PPP3CA: variants seen among roughly 807,000 people sequenced by gnomAD.
The protein encoded by PPP3CA is CAM-PRP catalytic subunit.
A neutral mutation model predicts 66.5 loss-of-function variants in PPP3CA; 14 were observed. The ratio of observed to expected loss-of-function variants is 0.21; its 90% CI spans 0.14 to 0.33. The LOEUF (loss-of-function observed/expected upper bound fraction) is 0.33. Ranked by LOEUF, PPP3CA falls within the 10% of genes least tolerant of loss-of-function variation. The probability of loss-of-function intolerance (pLI) is 1.00; values close to 1 mark genes in which losing one functional copy is unlikely to be tolerated. For synonymous variants in PPP3CA, 232 were observed against 226.2 expected (o/e 1.03, Z -0.23); for missense variants, 317 against 639.5 (o/e 0.50, Z 5.44).
intron 10 of PPP3CA, among the ~76,000 whole-genome samples, chr4:101,047,640 TAG>T (rs2110215491): frequency 6.6e-6 from 1 of 152,216 alleles, no homozygotes; most frequent in East Asian, 1.9e-4. Flanking sequence ...TGTTTTAAAT[TAG>T]ACAGGATCTC....
chr4:101,171,199 G>A (rs1237281155), intron 2 of PPP3CA: 1 of 456,046 alleles, frequency 2.2e-6, no homozygotes, highest in Admixed American at 2.4e-5. Flanking sequence ...TTACCTTGGT[G>A]TGTGAATCGG....
intron 5 of PPP3CA, among the ~76,000 whole-genome samples, chr4:101,097,867 T>C (rs1360894681): frequency 2.0e-5 from 3 of 152,188 alleles, no homozygotes; most frequent in Admixed American, 2.0e-4. Flanking sequence ...AAAGTCCAGT[T>C]TTTCACTCAG....
intron 2 of PPP3CA, among the ~76,000 whole-genome samples, chr4:101,146,105 C>A (rs1209305488): frequency 6.6e-6 from 1 of 152,174 alleles, no homozygotes; most frequent in Non-Finnish European, 1.5e-5. Flanking sequence ...ATTCATGCTG[C>A]AAGTTGGAAT....
At chr4:101,115,316 G>C (rs1721806452) in intron 2 of PPP3CA, among the ~76,000 whole-genome samples, 1 of 151,886 alleles carries the variant, frequency 6.6e-6, no homozygotes, top group Non-Finnish European at 1.5e-5. Flanking sequence ...TGGCAAAGGA[G>C]AGAGGACAGG....
intron 2 of PPP3CA, among the ~76,000 whole-genome samples, chr4:101,109,308 T>TAAAAAAAAAAAAAAAAAAAAAAAAA: frequency 1.1e-5 from 1 of 90,060 alleles, no homozygotes; most frequent in Non-Finnish European, 2.2e-5. Context: ...ACAGATTAAC[T>TAAAAAAAAAAAAAAAAAAAAAAAAA]AAAAAAAAAA....
chr4:101,309,461 G>C (rs1393108106), intron 1 of PPP3CA, among the ~76,000 whole-genome samples: 1 of 151,294 alleles, frequency 6.6e-6, no homozygotes, highest in Non-Finnish European at 1.5e-5. Flanking sequence ...ATAAACACTT[G>C]AAACTAAAAA....
At chr4:101,122,109 A>G (rs1353764220) in intron 2 of PPP3CA, among the ~76,000 whole-genome samples, 3 of 152,196 alleles carry the variant, frequency 2.0e-5, no homozygotes. Flanking sequence ...ACAAGGCTTG[A>G]AATGGTTGCT....
chr4:101,281,908 TG>T (rs1368033241), intron 1 of PPP3CA, among the ~76,000 whole-genome samples: 1 of 152,252 alleles, frequency 6.6e-6, no homozygotes, highest in Non-Finnish European at 1.5e-5. Context: ...ATGACAAACC[TG>T]GGGAGGAAAA....
chr4:101,294,015 C>T (rs1728115357), intron 1 of PPP3CA, among the ~76,000 whole-genome samples: 1 of 151,994 alleles, frequency 6.6e-6, no homozygotes, highest in Non-Finnish European at 1.5e-5. Flanking sequence ...ATTTAAAAGG[C>T]AATCTTAACA....
In PPP3CA at chr4:101,144,348, T is replaced by A. The variant is rs539428900; in HGVS notation, c.260-35270A>T. On this transcript the variant is annotated intron_variant, in intron 2 of 13. Transcript: ENST00000394854. The stretch of plus-strand genomic sequence containing the variant: ...GGACTTTCCTTGACAAACTCTCCAA[T>A]CTCTCTCCTGGCACATTCCCTCAGC... Among the ~76,000 whole-genome samples the A allele has an allele frequency of 2.6e-5, 4 of 152,274 alleles. No homozygotes were observed. The East Asian group carries it at 7.7e-4, about 29-fold the overall frequency.
Position 101,347,290 on chromosome 4 carries a change from T to C in PPP3CA, c.-494A>G. The C allele has an allele frequency of 9.6e-6, 2 of 209,320 alleles. No individual in the cohort carries two copies. Among genetic ancestry groups the C allele is most frequent in the South Asian group, 6.9e-5 (1 of 14,456 alleles). The allele number at this position is 209,320 out of a possible 1,614,324, so 13.0% of individuals were successfully genotyped here. On this transcript the variant is annotated 5_prime_UTR_variant, in exon 1 of 14. Transcript: ENST00000394854. ...CGATGTCAGTGCCACCAGCCGCACC[T>C]TGGCGTCCCCGGCGGCGGAGAGGCG...
chr4:101,342,246 G>A (rs532413050), intron 1 of PPP3CA, among the ~76,000 whole-genome samples: 37 of 152,008 alleles, frequency 2.4e-4, no homozygotes, highest in Admixed American at 2.4e-3. Context: ...TAAAATAAGG[G>A]TTCTATCCCA....
intron 1 of PPP3CA, among the ~76,000 whole-genome samples, chr4:101,299,116 T>G (rs1039905150): frequency 1.8e-4 from 26 of 144,056 alleles, no homozygotes; most frequent in South Asian, 4.6e-4. Context: ...GTTTTTTTTT[T>G]TTTTTTTTTT....
intron 11 of PPP3CA, among the ~76,000 whole-genome samples, chr4:101,038,664 G>A (rs567631965): frequency 6.6e-5 from 10 of 151,996 alleles, no homozygotes; most frequent in Non-Finnish European, 1.0e-4. Context: ...CACCACGCCC[G>A]GCCACTTTAT....
At position 101,106,453 on chromosome 4, in the gene PPP3CA, GAGAAAAGAAAAGAAAAGAAA is replaced by G. The variant is rs70961774; in HGVS notation, c.384+2481_384+2500del. 1.6e-3 allele frequency among the ~76,000 whole-genome samples: 57 copies of G among 35,522 alleles called. 9 individuals are homozygous for G. Among genetic ancestry groups the G allele is most frequent in the East Asian group, 0.015 (20 of 1,312 alleles). 23.3% of individuals were successfully genotyped at this position (35,522 alleles called of 152,430 possible). ...AGAAAGAAAGAAAGAAAGAAAGAAA[GAGAAAAGAAAAGAAAAGAAA>G]AGAAAAGAAAAGAAAAGAAAAGAAA... On this transcript the variant is annotated intron_variant, in intron 3 of 13. Transcript: ENST00000394854.
chr4:101,040,355 A>T, intron 11 of PPP3CA, 127 bp downstream of exon 11: 1 of 650,734 alleles, frequency 1.5e-6, no homozygotes, highest in Non-Finnish European at 2.3e-6. Flanking sequence ...TCAATTTTTA[A>T]TCTAAAAGGA....
At chr4:101,269,356 G>A (rs1329705160) in intron 1 of PPP3CA, among the ~76,000 whole-genome samples, 3 of 144,598 alleles carry the variant, frequency 2.1e-5, no homozygotes, top group African/African-American at 7.6e-5. Flanking sequence ...AACTTTCTTA[G>A]TTCATCACAC....
chr4:101,093,700 AAATC>A (rs1403289480), intron 6 of PPP3CA, 72 bp downstream of exon 6: 1 of 1,342,406 alleles, frequency 7.4e-7, no homozygotes, highest in Non-Finnish European at 9.8e-7. Flanking sequence ...CATTATAAAT[AAATC>A]AAACACATGG....
chr4:101,118,573 A>T (rs1721921660), intron 2 of PPP3CA, among the ~76,000 whole-genome samples: 1 of 151,730 alleles, frequency 6.6e-6, no homozygotes, highest in Admixed American at 6.6e-5. Context: ...TCTGGTTTTT[A>T]TGTGTATTCC....
Sources: gnomAD v4.1 joint callset for allele counts (sites outside exome capture counted in the v4.1 genomes callset) on GRCh38, gnomAD v4.1.1 for gene constraint, MANE v1.5 for transcripts, NCBI Gene and HGNC (gene_info 2026-07-23, HGNC 2026-07-21) for gene names.